KLHDC4: variants seen among roughly 807,000 people sequenced by gnomAD.
KLHDC4 encodes the protein kelch domain-containing protein 4.
KLHDC4 carries 90 observed loss-of-function variants against 62.4 expected under a neutral mutation model. The observed-to-expected ratio is 1.44, with a 90% CI of 1.22 to 1.72. The LOEUF (loss-of-function observed/expected upper bound fraction) is 1.72, where lower values mean the gene tolerates loss of function less well. Ranked by LOEUF, KLHDC4 falls within the 40% of genes most tolerant of loss-of-function variation. The pLI, the probability that KLHDC4 is intolerant of heterozygous loss-of-function variation, is 0.00. For missense variants in KLHDC4, 1,025 were observed against 699.7 expected (o/e 1.47, Z -5.25); for synonymous variants, 386 against 284.4 (o/e 1.36, Z -3.59).
chr16:87,731,790 G>A (rs2040421989), intron 5 of KLHDC4, among the ~76,000 whole-genome samples: 2 of 152,228 alleles, frequency 1.3e-5, no homozygotes, highest in Non-Finnish European at 2.9e-5. Flanking sequence ...ACCACCAGCA[G>A]CCGAGCTGTC....
chr16:87,713,457 C>G (rs1256716732), intron 8 of KLHDC4, among the ~76,000 whole-genome samples: 1 of 152,164 alleles, frequency 6.6e-6, no homozygotes, highest in Admixed American at 6.5e-5. Flanking sequence ...CTCAGCCTCC[C>G]AAAGTGCTGG....
chr16:87,740,394 G>C (rs1221111468), intron 5 of KLHDC4, among the ~76,000 whole-genome samples: 1 of 152,158 alleles, frequency 6.6e-6, no homozygotes, highest in Non-Finnish European at 1.5e-5. Context: ...GTGGGGAGAG[G>C]GGAAACCCTA....
chr16:87,709,412 T>C lies in KLHDC4; in HGVS notation c.1300A>G (p.Asn434Asp). ...CCATGCTTCACAGCCAGCATGGCGT[T>C]GGAGCGTGGACACGGCCCAGGTGCG... ...SPAPGPCPRS[N>D]AMLAVKHGVL... The change falls in exon 10 of 12, where the codon AAC becomes GAC. Residue 434 changes from asparagine (N) to aspartate (D), a missense_variant. Asn to Asp is a conservative substitution (Grantham distance 23, BLOSUM62 1). Transcript: ENST00000270583. 3.1e-6 allele frequency: 5 copies of C among 1,613,240 alleles called. No individual in the cohort carries two copies. The highest frequency in any genetic ancestry group is 4.2e-6 in the Non-Finnish European group (5 of 1,179,924).
chr16:87,706,656 G>C (rs1597352937), downstream of KLHDC4, among the ~76,000 whole-genome samples: 1 of 152,226 alleles, frequency 6.6e-6, no homozygotes, highest in East Asian at 1.9e-4. Context: ...ACCGATGGCA[G>C]TGGGCGGGGC....
At chr16:87,732,631 G>C (rs1461959683) in intron 5 of KLHDC4, among the ~76,000 whole-genome samples, 1 of 152,158 alleles carries the variant, frequency 6.6e-6, no homozygotes, top group Non-Finnish European at 1.5e-5. Context: ...AAATAAAGCA[G>C]AGATACCATT....
chr16:87,723,847 C>CT (rs929073438), intron 7 of KLHDC4, among the ~76,000 whole-genome samples: 15 of 151,936 alleles, frequency 9.9e-5, no homozygotes, highest in African/African-American at 2.2e-4. Flanking sequence ...TTTCTTTTTT[C>CT]TTTTTTTTGA....
Position 87,711,389 on chromosome 16 carries a change from G to A in KLHDC4, c.890C>T (p.Ser297Phe), listed in dbSNP as rs1343249721. Residue 297 changes from serine to phenylalanine, a missense_variant, in exon 9 of 12, where the codon TCT becomes TTT. By Grantham distance (155) the Ser-to-Phe change is radical. Transcript: ENST00000270583. ...NPSGVKPTPR[S>F]GFSVAMAPNH... ...CGGGGCCATGGCCACGGAAAAGCCA[G>A]ACCGTGGGGTGGGCTTGACCCCCGA... is the stretch of plus-strand genomic sequence containing the variant. 1.2e-6 allele frequency: 2 copies of A among 1,613,530 alleles called. No homozygotes were observed. The highest frequency in any genetic ancestry group is 2.2e-5 in the East Asian group (1 of 44,888).
intron 7 of KLHDC4, among the ~76,000 whole-genome samples, chr16:87,725,981 A>C (rs1368290082): frequency 6.6e-6 from 1 of 152,090 alleles, no homozygotes; most frequent in Non-Finnish European, 1.5e-5. Flanking sequence ...CTCACACTGC[A>C]CTGCTGACAG....
At chr16:87,750,398 C>G (rs1033756768) in intron 4 of KLHDC4, 2 of 152,332 alleles carry the variant, frequency 1.3e-5, no homozygotes, top group African/African-American at 4.8e-5. Flanking sequence ...CTGACTGTAA[C>G]GCACCTAGTG....
rs752325218 is a variant in KLHDC4 at position 87,765,829 on chromosome 16, A to G, written c.62T>C (p.Met21Thr). ...CGAGCGCTTAGACACCTTCTTCTCC[A>G]TCTTGGCGGCCGTCTTCTCCGCGCC... ...GRGAEKTAAK[M>T]EKKVSKRSRK... is the part of the protein sequence containing the mutation. Residue 21 changes from methionine (M) to threonine (T), a missense_variant, in exon 1 of 12, where the codon ATG becomes ACG. Met to Thr is a moderately conservative substitution (Grantham distance 81). Transcript: ENST00000270583. 7 of 1,563,026 alleles carry G rather than the reference A, an allele frequency of 4.5e-6. No individual in the cohort carries two copies. The highest frequency in any genetic ancestry group is 6.1e-6 in the Non-Finnish European group (7 of 1,153,140).
In KLHDC4 at chr16:87,708,392, C is replaced by A; in HGVS notation, c.1522G>T (p.Asp508Tyr). 1 of 1,611,256 alleles carries A rather than the reference C, an allele frequency of 6.2e-7. No individual in the cohort carries two copies. The highest frequency in any genetic ancestry group is 8.5e-7 in the Non-Finnish European group (1 of 1,179,248). Residue 508 changes from aspartate to tyrosine, a missense_variant, in exon 11 of 12, where the codon GAC becomes TAC. Asp to Tyr is a radical substitution (Grantham distance 160). Transcript: ENST00000270583. Reference protein sequence around the residue: ...EEVEGAEGGVDDEDSGEESGA... With the variant: ...EEVEGAEGGVYDEDSGEESGA... ...CTCTCCTCTCCGCTGTCTTCGTCGTCGACCCCACCCTCGGCGCCCTCAACC... is the reference window on the plus strand; with the variant it reads ...CTCTCCTCTCCGCTGTCTTCGTCGTAGACCCCACCCTCGGCGCCCTCAACC...
chr16:87,714,210 G>A (rs1264988890), intron 8 of KLHDC4, among the ~76,000 whole-genome samples: 1 of 152,220 alleles, frequency 6.6e-6, no homozygotes, highest in African/African-American at 2.4e-5. Context: ...GAGCTGCTGA[G>A]GGGCACTGTG....
intron 7 of KLHDC4, among the ~76,000 whole-genome samples, chr16:87,719,031 G>A (rs1412620959): frequency 6.6e-6 from 1 of 151,264 alleles, no homozygotes; most frequent in Admixed American, 6.6e-5. Flanking sequence ...CCGCCCAGCA[G>A]CCACCCCATC....
intron 4 of KLHDC4, among the ~76,000 whole-genome samples, chr16:87,752,486 G>A (rs553357561): frequency 2.6e-5 from 4 of 151,874 alleles, no homozygotes; most frequent in Non-Finnish European, 5.9e-5. Context: ...ACAGGCACGC[G>A]CCACGACGCC....
intron 5 of KLHDC4, chr16:87,739,758 C>G (rs1355268888): frequency 6.6e-6 from 1 of 152,334 alleles, no homozygotes; most frequent in Non-Finnish European, 1.5e-5. Context: ...GTCACAGAGG[C>G]CACGTGTTTT....
At chr16:87,718,342 C>T (rs1461653418) in intron 7 of KLHDC4, among the ~76,000 whole-genome samples, 3 of 88,090 alleles carry the variant, frequency 3.4e-5, no homozygotes, top group African/African-American at 1.4e-4. Flanking sequence ...TCCCCCTCTC[C>T]TCCCCCTCCC....
chr16:87,724,628 G>A (rs192651162), intron 7 of KLHDC4, among the ~76,000 whole-genome samples: 3 of 152,284 alleles, frequency 2.0e-5, no homozygotes, highest in African/African-American at 4.8e-5. Flanking sequence ...TTAAAACCAC[G>A]AGGTACCACA....
chr16:87,731,472 T>C (rs940957627), intron 5 of KLHDC4, among the ~76,000 whole-genome samples: 4 of 150,980 alleles, frequency 2.6e-5, no homozygotes, highest in Admixed American at 6.6e-5. Flanking sequence ...GGAAAAAAGA[T>C]GGAAAAAGGC....
chr16:87,698,689 TGA>T (rs920708603), exon 1 of KLHDC4: 3 of 152,236 alleles, frequency 2.0e-5, no homozygotes, highest in Non-Finnish European at 1.5e-5. Flanking sequence ...GCCCCGGGTC[TGA>T]GAGAATCGAA....
Sources: gnomAD v4.1 joint callset for allele counts (sites outside exome capture counted in the v4.1 genomes callset) on GRCh38, gnomAD v4.1.1 for gene constraint, MANE v1.5 for transcripts, NCBI Gene and HGNC (gene_info 2026-07-23, HGNC 2026-07-21) for gene names.